Variants in COL22A1 observed in about 807,000 individuals in gnomAD.
COL22A1 encodes the protein collagen type XXII alpha 1 chain.
Under a neutral mutation model 248.9 loss-of-function variants are expected in COL22A1, and 221 were observed. The observed-to-expected ratio is 0.89, with a 90% CI of 0.80 to 0.99. The LOEUF (loss-of-function observed/expected upper bound fraction) is 0.99, where lower values mean the gene tolerates loss of function less well. Among genes scored for constraint, COL22A1 ranks in the 50% least tolerant of loss-of-function variants. COL22A1 has a pLI of 0.00. For synonymous variants in COL22A1, 891 were observed against 793.4 expected (o/e 1.12, Z -2.07); for missense variants, 2,240 against 2,179.0 (o/e 1.03, Z -0.56).
intron 13 of COL22A1, among the ~76,000 whole-genome samples, chr8:138,779,763 G>GT (rs1444202843): frequency 6.6e-6 from 1 of 152,150 alleles, no homozygotes; most frequent in Non-Finnish European, 1.5e-5. Context: ...GCTGCACACA[G>GT]TATTTTTTTT....
At chr8:138,663,821 C>T in intron 41 of COL22A1, 81 bp from the exon 42 acceptor site, 1 of 1,103,988 alleles carries the variant, frequency 9.1e-7, no homozygotes. Context: ...ATTCCATAGA[C>T]AGGTCCTCAG....
rs762531136 is a variant in COL22A1, at chr8:138,811,898, C to T, written c.1350G>A (p.Glu450=). ...SGPCQVTVVT[E]PPPPPPPQRP... ...GCTGGGGTGGGGGTGGAGGTGGAGG[C>T]TCTGTCACCACGGTCACCTGGCACT... The change falls in exon 9 of 65, where the codon GAG becomes GAA. Residue 450 remains glutamate, a synonymous_variant. Transcript: ENST00000303045. The T allele has an allele frequency of 6.4e-7, 1 of 1,556,336 alleles. No individual in the cohort carries two copies. The highest frequency in any genetic ancestry group is 1.2e-5 in the South Asian group (1 of 84,092).
chr8:138,875,470 G>A (rs1823645465), intron 3 of COL22A1, among the ~76,000 whole-genome samples: 2 of 152,346 alleles, frequency 1.3e-5, no homozygotes, highest in Admixed American at 6.5e-5. Context: ...GAAGGATCCG[G>A]AAGTAACCTT....
intron 50 of COL22A1, among the ~76,000 whole-genome samples, chr8:138,628,443 C>T (rs939564490): frequency 1.8e-4 from 27 of 152,044 alleles, no homozygotes; most frequent in African/African-American, 6.3e-4. Context: ...AAAAATTAGT[C>T]AGAAATCACT....
At chr8:138,791,497 T>A (rs1157140962) in intron 12 of COL22A1, among the ~76,000 whole-genome samples, 2 of 152,206 alleles carry the variant, frequency 1.3e-5, no homozygotes, top group African/African-American at 4.8e-5. Context: ...AACGGGACAG[T>A]GTATGTAAAC....
chr8:138,710,103 C>A (rs1828829422), intron 30 of COL22A1, among the ~76,000 whole-genome samples: 1 of 152,212 alleles, frequency 6.6e-6, no homozygotes, highest in African/African-American at 2.4e-5. Context: ...ATTTTACCTA[C>A]TTTGGCATGT....
At position 138,779,536 on chromosome 8, in the gene COL22A1, C is replaced by T. The variant is rs1021477976; in HGVS notation, c.1677G>A (p.Pro559=). The change falls in exon 14 of 65, where the codon CCG becomes CCA. Residue 559 remains proline, a synonymous_variant. Coordinates refer to ENST00000303045, the MANE Select transcript of COL22A1 (RefSeq NM_152888.3). Reference sequence around the variant, plus strand: ...GCATGCCGACCTCACCCGGCAGCCCCGGCTCTCCCAGCTCTCCTGGCTCCC... The same window carrying T: ...GCATGCCGACCTCACCCGGCAGCCCTGGCTCTCCCAGCTCTCCTGGCTCCC... ...MRGEPGELGE[P]GLPGEVGMRG... 1.1e-5 allele frequency: 18 copies of T among 1,613,456 alleles called. No homozygotes were observed. Among genetic ancestry groups the T allele is most frequent in the African/African-American group, 8.0e-5 (6 of 74,892 alleles).
intron 60 of COL22A1, among the ~76,000 whole-genome samples, chr8:138,601,249 G>A (rs1381381726): frequency 1.3e-5 from 2 of 152,080 alleles, no homozygotes; most frequent in African/African-American, 2.4e-5. Flanking sequence ...AACAGCCACG[G>A]GATAGAGGAA....
intron 12 of COL22A1, among the ~76,000 whole-genome samples, chr8:138,793,722 T>C (rs1345366291): frequency 6.6e-6 from 1 of 152,184 alleles, no homozygotes; most frequent in Admixed American, 6.5e-5. Flanking sequence ...GTAGGACTCC[T>C]GGCACCAGAA....
intron 12 of COL22A1, among the ~76,000 whole-genome samples, chr8:138,782,391 T>C (rs1013174192): frequency 6.6e-6 from 1 of 152,248 alleles, no homozygotes; most frequent in Non-Finnish European, 1.5e-5. Flanking sequence ...CGAATTTTTG[T>C]ATTTTTTGTA....
chr8:138,589,165 T>C lies in COL22A1; in HGVS notation c.*88A>G. On this transcript the variant is annotated 3_prime_UTR_variant, in exon 65 of 65. Transcript: ENST00000303045. ...AAGAAAAAAAAAAGGAACACATGGC[T>C]GAAGTCTTTCAAGACCTCTGGCTTC... 1 of 1,231,550 alleles carries C rather than the reference T, an allele frequency of 8.1e-7. No homozygotes were observed. The highest frequency in any genetic ancestry group is 1.1e-6 in the Non-Finnish European group (1 of 873,400). 76.3% of individuals were successfully genotyped at this position (1,231,550 alleles called of 1,614,324 possible).
chr8:138,872,933 A>T (rs2132019782), intron 3 of COL22A1, among the ~76,000 whole-genome samples: 1 of 152,348 alleles, frequency 6.6e-6, no homozygotes, highest in East Asian at 1.9e-4. Context: ...TTTCATTTGT[A>T]AAATGGGGAT....
chr8:138,793,954 C>T (rs547825516), intron 12 of COL22A1, among the ~76,000 whole-genome samples: 13 of 152,300 alleles, frequency 8.5e-5, no homozygotes, highest in Admixed American at 5.2e-4. Flanking sequence ...TATTGCCTGG[C>T]AGGTACAACC....
chr8:138,878,049 GC>G lies in COL22A1; in HGVS notation c.358del (p.Ala120ArgfsTer109). On this transcript the variant is annotated frameshift_variant, in exon 3 of 65. Transcript: ENST00000303045. LOFTEE classifies it high-confidence loss of function. ...GCTGCGGGCCGTGATGTAGCGGAGCGCGTCTCCCGTGTTGGTGTTGCCCCCG... is the reference window on the plus strand; with the variant it reads ...GCTGCGGGCCGTGATGTAGCGGAGCGGTCTCCCGTGTTGGTGTTGCCCCCG... ...YHGGNTNTGD[A>X]LRYITARSFS... is the part of the protein sequence containing the mutation. The G allele has an allele frequency of 6.3e-7, 1 of 1,593,676 alleles. No homozygotes were observed.
intron 11 of COL22A1, among the ~76,000 whole-genome samples, chr8:138,800,684 C>T (rs879556503): frequency 2.0e-5 from 3 of 152,094 alleles, no homozygotes; most frequent in East Asian, 1.9e-4. Context: ...CATAATTATG[C>T]GATGGACCGC....
chr8:138,769,294 ACCACATAAC>A (rs1398402553), intron 16 of COL22A1, among the ~76,000 whole-genome samples: 2 of 152,202 alleles, frequency 1.3e-5, no homozygotes, highest in Non-Finnish European at 2.9e-5. Flanking sequence ...CTGTACTCGG[ACCACATAAC>A]GTGGCCTCAG....
At chr8:138,826,010 G>C (rs1819551821) in intron 6 of COL22A1, 1 of 152,208 alleles carries the variant, frequency 6.6e-6, no homozygotes. Flanking sequence ...GGAACTGAAA[G>C]CTGAAACACA....
intron 49 of COL22A1, among the ~76,000 whole-genome samples, chr8:138,633,247 G>C (rs1820875642): frequency 6.6e-6 from 1 of 152,206 alleles, no homozygotes; most frequent in African/African-American, 2.4e-5. Flanking sequence ...ACAGTACAAA[G>C]CACGACACAA....
intron 30 of COL22A1, among the ~76,000 whole-genome samples, chr8:138,714,001 A>C (rs1378373947): frequency 6.6e-6 from 1 of 152,172 alleles, no homozygotes; most frequent in Non-Finnish European, 1.5e-5. Flanking sequence ...ACGTGTGCCA[A>C]GTTAGGGTTC....
Sources: gnomAD v4.1 joint callset for allele counts (sites outside exome capture counted in the v4.1 genomes callset) on GRCh38, gnomAD v4.1.1 for gene constraint, MANE v1.5 for transcripts, NCBI Gene and HGNC (gene_info 2026-07-23, HGNC 2026-07-21) for gene names.